GMEB1: variants seen among roughly 807,000 people sequenced by gnomAD.
GMEB1 encodes glucocorticoid modulatory element-binding protein 1.
Under a neutral mutation model 52.4 loss-of-function variants are expected in GMEB1, and 6 were observed. The observed-to-expected ratio is 0.11, with a 90% CI of 0.06 to 0.23. GMEB1 has a LOEUF of 0.23. Among genes scored for constraint, GMEB1 ranks in the 10% least tolerant of loss-of-function variants. The pLI is 1.00. For missense variants in GMEB1, 486 were observed against 685.6 expected, an observed-to-expected ratio of 0.71 and a Z score of 3.25; for synonymous variants, 255 against 244.9, an observed-to-expected ratio of 1.04 and a Z score of -0.38.
chr1:28,706,064 G>A (rs1412943556), intron 8 of GMEB1, among the ~76,000 whole-genome samples: 2 of 151,952 alleles, frequency 1.3e-5, no homozygotes, highest in Admixed American at 1.3e-4. Flanking sequence ...TGAGGCAGGA[G>A]AATGGCATGA....
intron 1 of GMEB1, among the ~76,000 whole-genome samples, chr1:28,673,042 T>C (rs533767544): frequency 4.0e-5 from 6 of 151,550 alleles, no homozygotes; most frequent in Non-Finnish European, 8.8e-5. Context: ...ATTACAGGCA[T>C]GTGCCACTAC....
At chr1:28,680,046 G>C (rs1437844752) in intron 1 of GMEB1, among the ~76,000 whole-genome samples, 1 of 152,034 alleles carries the variant, frequency 6.6e-6, no homozygotes, top group Non-Finnish European at 1.5e-5. Context: ...GACCTCAGGT[G>C]ATCCGCCTGC....
chr1:28,687,377 C>CAAA lies in GMEB1; in HGVS notation c.129-2726_129-2725insAAA, dbSNP rs1260455703. On this transcript the variant is annotated intron_variant, in intron 2 of 9. Coordinates refer to ENST00000373816, the MANE Select transcript of GMEB1 (RefSeq NM_001319674.2). Reference sequence around the variant, plus strand: ...ACACACACACACACACACACACACACACACACACACAAAAAAAGACAGTGG... The same window carrying CAAA: ...ACACACACACACACACACACACACACAAAACACACACACAAAAAAAGACAGTGG... 1.1e-3 allele frequency among the ~76,000 whole-genome samples: 16 copies of CAAA among 14,790 alleles called. 2 individuals carry two copies. The highest frequency in any genetic ancestry group is 1.9e-3 in the African/African-American group (10 of 5,154). 9.7% of individuals were successfully genotyped at this position (14,790 alleles called of 152,430 possible). A position where few individuals can be genotyped will look rare whatever the true frequency, so the allele number is the denominator to read the frequency against.
intron 2 of GMEB1, among the ~76,000 whole-genome samples, chr1:28,688,292 AAC>A (rs1193989534): frequency 2.0e-5 from 3 of 152,206 alleles, no homozygotes; most frequent in Non-Finnish European, 4.4e-5. Flanking sequence ...TCAAGAAACA[AAC>A]ACACATACAA....
chr1:28,713,991 G>GAC lies in GMEB1; in HGVS notation c.992-79_992-78dup, dbSNP rs1671174555. The GAC allele has an allele frequency of 6.1e-6, 6 of 991,342 alleles. No individual in the cohort carries two copies. The South Asian group carries it at 9.3e-5, about 15-fold the overall frequency. The allele number at this position is 991,342 out of a possible 1,614,324, so 61.4% of individuals were successfully genotyped here. On this transcript the variant is annotated intron_variant, in intron 9 of 9. Coordinates refer to ENST00000373816, the MANE Select transcript of GMEB1 (RefSeq NM_001319674.2). Reference sequence around the variant, plus strand: ...CTACTTAGTAACAAAACCAGACAGAGACACCAGGTCTCCTGACTCTCAGTT... The same window carrying GAC: ...CTACTTAGTAACAAAACCAGACAGAGACACACCAGGTCTCCTGACTCTCAGTT...
intron 2 of GMEB1, among the ~76,000 whole-genome samples, chr1:28,684,894 C>T (rs1669567606): frequency 6.6e-6 from 1 of 152,156 alleles, no homozygotes; most frequent in Non-Finnish European, 1.5e-5. Flanking sequence ...CAGTTCTAAT[C>T]CCACTCTTAC....
Position 28,719,291 on chromosome 1 carries a change from C to T in GMEB1, c.*4518C>T, listed in dbSNP as rs773638582. Reference sequence around the variant, plus strand: ...CTCAATTTCCAAGCTCCACCCACTCCTAAAAACACCAGTCATTCTGAAGTA... The same window carrying T: ...CTCAATTTCCAAGCTCCACCCACTCTTAAAAACACCAGTCATTCTGAAGTA... On this transcript the variant is annotated 3_prime_UTR_variant, in exon 10 of 10. Coordinates refer to ENST00000373816, the MANE Select transcript of GMEB1 (RefSeq NM_001319674.2). 3 of 152,216 alleles carry T rather than the reference C, an allele frequency of 2.0e-5. No individual in the cohort carries two copies. Among genetic ancestry groups the T allele is most frequent in the Non-Finnish European group, 4.4e-5 (3 of 68,032 alleles). The allele number at this position is 152,216 out of a possible 1,614,324, so 9.4% of individuals were successfully genotyped here.
At chr1:28,687,366 ACAC>A (rs1669701147) in intron 2 of GMEB1, among the ~76,000 whole-genome samples, 4 of 62,474 alleles carry the variant, frequency 6.4e-5, no homozygotes, top group African/African-American at 1.2e-4. Flanking sequence ...ACACACACAC[ACAC>A]ACACACACAC....
chr1:28,679,483 C>A (rs937483050), intron 1 of GMEB1, among the ~76,000 whole-genome samples: 1 of 151,984 alleles, frequency 6.6e-6, no homozygotes, highest in Non-Finnish European at 1.5e-5. Flanking sequence ...TGGCCCCTTT[C>A]TAGTTTTAAG....
intron 8 of GMEB1, among the ~76,000 whole-genome samples, chr1:28,706,241 T>C (rs1486402082): frequency 6.6e-6 from 1 of 152,170 alleles, no homozygotes; most frequent in Non-Finnish European, 1.5e-5. Context: ...TTGTGTTCAC[T>C]TATAGCTGTT....
rs61127323 is a variant in GMEB1, at chr1:28,691,804, TTTTATTTATTTA to T, written c.336+131_336+142del. The T allele has an allele frequency of 8.5e-4, 202 of 238,738 alleles. 1 individual carries two copies. Among genetic ancestry groups the T allele is most frequent in the African/African-American group, 1.2e-3 (49 of 41,916 alleles). 14.8% of individuals were successfully genotyped at this position (238,738 alleles called of 1,614,324 possible). ...TCCTTTTTATCTTCCACTATATCAG[TTTTATTTATTTA>T]TTTATTTATTTATTTATTTATTTAT... On this transcript the variant is annotated intron_variant, in intron 4 of 9. Coordinates refer to ENST00000373816, the MANE Select transcript of GMEB1 (RefSeq NM_001319674.2).
chr1:28,682,939 G>T (rs1467058651), intron 1 of GMEB1, among the ~76,000 whole-genome samples: 2 of 152,168 alleles, frequency 1.3e-5, no homozygotes, highest in Non-Finnish European at 2.9e-5. Context: ...CAGCATCGCT[G>T]ATTTCAAGCT....
chr1:28,668,944 G>A (rs1276003331), intron 1 of GMEB1, 105 bp downstream of exon 1: 1 of 145,232 alleles, frequency 6.9e-6, no homozygotes, highest in African/African-American at 2.5e-5. Context: ...GGCGCGCAGG[G>A]GGCGGGGGGC....
intron 3 of GMEB1, among the ~76,000 whole-genome samples, chr1:28,690,741 G>A (rs558954129): frequency 6.0e-4 from 92 of 152,250 alleles, no homozygotes; most frequent in African/African-American, 2.1e-3. Flanking sequence ...AACACTTTGG[G>A]AGGCTGAGGC....
intron 1 of GMEB1, among the ~76,000 whole-genome samples, chr1:28,677,659 G>A (rs776284524): frequency 5.3e-5 from 8 of 151,984 alleles, no homozygotes; most frequent in Non-Finnish European, 8.8e-5. Flanking sequence ...TTTTAATTCC[G>A]CCTACATTTT....
chr1:28,701,445 A>G (rs1670508884), intron 6 of GMEB1, among the ~76,000 whole-genome samples: 3 of 150,552 alleles, frequency 2.0e-5, no homozygotes, highest in Admixed American at 1.3e-4. Flanking sequence ...AATTTTTTGT[A>G]TTTTTATAGA....
At chr1:28,670,977 T>C (rs1022898697) in intron 1 of GMEB1, among the ~76,000 whole-genome samples, 11 of 152,198 alleles carry the variant, frequency 7.2e-5, no homozygotes, top group Non-Finnish European at 1.5e-4. Flanking sequence ...TCCACCGGAC[T>C]GTAGCGGGAT....
At chr1:28,692,788 T>C (rs1450410906) in intron 4 of GMEB1, among the ~76,000 whole-genome samples, 154 bp from the exon 5 acceptor site, 1 of 152,202 alleles carries the variant, frequency 6.6e-6, no homozygotes, top group Non-Finnish European at 1.5e-5. Context: ...TCGTCTTCTC[T>C]AACACAATAG....
intron 1 of GMEB1, among the ~76,000 whole-genome samples, chr1:28,669,090 G>A (rs1342432222): frequency 1.3e-5 from 2 of 148,192 alleles, no homozygotes; most frequent in Non-Finnish European, 3.0e-5. Flanking sequence ...GCCGCCCCCA[G>A]CGCAGCCGGC....
Sources: gnomAD v4.1 joint callset for allele counts (sites outside exome capture counted in the v4.1 genomes callset) on GRCh38, gnomAD v4.1.1 for gene constraint, MANE v1.5 for transcripts, NCBI Gene and HGNC (gene_info 2026-07-23, HGNC 2026-07-21) for gene names.